Variants in LRG1 observed in about 807,000 individuals in gnomAD.
The protein encoded by LRG1 is leucine rich alpha-2-glycoprotein 1.
LRG1 carries 1 observed loss-of-function variant against 2.4 expected under a neutral mutation model. That is an observed-to-expected ratio of 0.41 (90% CI 0.15 to 1.95). The LOEUF is 1.95. Ranked by LOEUF, LRG1 falls within the 30% of genes most tolerant of loss-of-function variation. The pLI, the probability that LRG1 is intolerant of heterozygous loss-of-function variation, is 0.30. For missense variants in LRG1, 425 were observed against 436.9 expected, an observed-to-expected ratio of 0.97 and a Z score of 0.24; for synonymous variants, 226 against 210.6, an observed-to-expected ratio of 1.07 and a Z score of -0.63.
rs992160980 is a variant in LRG1, at chr19:4,537,999, A to G, written c.985T>C (p.Cys329Arg). Reference sequence around the variant, plus strand: ...CCCTTCACGGCTTCAGGCCCAGCACAGCGCGTGTCATTCTGGGAAAACATC... The same window carrying G: ...CCCTTCACGGCTTCAGGCCCAGCACGGCGCGTGTCATTCTGGGAAAACATC... ...DKMFSQNDTRCAGPEAVKGQT... is the reference protein window; with the variant it reads ...DKMFSQNDTRRAGPEAVKGQT... The change falls in exon 2 of 2, where the codon TGT becomes CGT. Residue 329 changes from cysteine (C) to arginine (R), a missense_variant. By Grantham distance (180) the Cys-to-Arg change is radical. Transcript: ENST00000306390. 1.9e-6 allele frequency: 3 copies of G among 1,613,794 alleles called. No individual in the cohort carries two copies. Among genetic ancestry groups the G allele is most frequent in the African/African-American group, 2.7e-5 (2 of 74,962 alleles).
At position 4,538,121 on chromosome 19, in the gene LRG1, C is replaced by T; in HGVS notation, c.863G>A (p.Trp288Ter). The change falls in exon 2 of 2, where the codon TGG (tryptophan) becomes TAG (stop). Residue 288 changes from tryptophan to a stop codon, truncating the protein, a stop_gained. Coordinates refer to ENST00000306390, the MANE Select transcript of LRG1 (RefSeq NM_052972.3). LOFTEE classifies it low-confidence loss of function (END_TRUNC). ...GLWASLGQPN[W>*]DMRDGFDISG... is the part of the protein sequence containing the mutation. ...GATGTCGAAGCCATCCCGCATGTCC[C>T]AGTTTGGCTGCCCTAGGGATGCCCA... 6.2e-7 allele frequency: 1 copy of T among 1,614,164 alleles called. No homozygotes were observed. Among genetic ancestry groups the T allele is most frequent in the Non-Finnish European group, 8.5e-7 (1 of 1,180,032 alleles).
Position 4,538,885 on chromosome 19 carries a change from G to T in LRG1, c.99C>A (p.Ala33=), listed in dbSNP as rs1480719446. 2.0e-6 allele frequency: 3 copies of T among 1,525,286 alleles called. No individual in the cohort carries two copies. Among genetic ancestry groups the T allele is most frequent in the Middle Eastern group, 1.8e-4 (1 of 5,620 alleles). The allele number at this position is 1,525,286 out of a possible 1,614,324, so 94.5% of individuals were successfully genotyped here. A position where few individuals can be genotyped will look rare whatever the true frequency, so the allele number is the denominator to read the frequency against. ...CTTTGGGGCTCAGGGTGACCCCCCA[G>T]GCTGAGGCTGCCAACAGCAGCAGCA... The part of the protein sequence containing the change: ...LFLLLLLAAS[A]WGVTLSPKDC... Residue 33 remains alanine (A), a synonymous_variant, in exon 2 of 2, where the codon GCC becomes GCA. Coordinates refer to ENST00000306390, the MANE Select transcript of LRG1 (RefSeq NM_052972.3).
Position 4,537,877 on chromosome 19 carries a change from T to C in LRG1, c.*63A>G. On this transcript the variant is annotated 3_prime_UTR_variant, in exon 2 of 2. Transcript: ENST00000306390. ...CCCCCGCACCCGGCCAAAGGCAGGA[T>C]TATTTGTTAAGCGGGTTGCAGTGTT... 6.5e-7 allele frequency: 1 copy of C among 1,529,958 alleles called. No individual in the cohort carries two copies. The highest frequency in any genetic ancestry group is 1.4e-5 in the African/African-American group (1 of 72,602). 94.8% of individuals were successfully genotyped at this position (1,529,958 alleles called of 1,614,324 possible). A position where few individuals can be genotyped will look rare whatever the true frequency, so the allele number is the denominator to read the frequency against.
At position 4,538,915 on chromosome 19, in the gene LRG1, C is replaced by A; in HGVS notation, c.69G>T (p.Leu23=). ...AGGCTGCCAACAGCAGCAGCAGGAA[C>A]AGAGTTCTAGAAACATGGGGTTGAA... The part of the protein sequence containing the change: ...GGIQPHVSRT[L]FLLLLLAASA... Residue 23 remains leucine (L), a synonymous_variant, in exon 2 of 2, where the codon CTG becomes CTT. Coordinates refer to ENST00000306390, the MANE Select transcript of LRG1 (RefSeq NM_052972.3). 1 of 1,515,332 alleles carries A rather than the reference C, an allele frequency of 6.6e-7. No individual in the cohort carries two copies. The highest frequency in any genetic ancestry group is 1.3e-5 in the South Asian group (1 of 75,428). The allele number at this position is 1,515,332 out of a possible 1,614,324, so 93.9% of individuals were successfully genotyped here.
Position 4,538,515 on chromosome 19 carries a change from C to T in LRG1, c.469G>A (p.Val157Ile), listed in dbSNP as rs1568248773. The change falls in exon 2 of 2, where the codon GTC becomes ATC. Residue 157 changes from valine (V) to isoleucine (I), a missense_variant. Transcript: ENST00000306390. ...LKENQLEVLE[V>I]SWLHGLKALG... ...GCTTTCAGGCCGTGTAGCCACGAGACCTCCAGGACCTCCAGCTGGTTTTCT... is the reference window on the plus strand; with the variant it reads ...GCTTTCAGGCCGTGTAGCCACGAGATCTCCAGGACCTCCAGCTGGTTTTCT... 3 of 1,613,930 alleles carry T rather than the reference C, an allele frequency of 1.9e-6. No individual in the cohort carries two copies. The highest frequency in any genetic ancestry group is 1.3e-5 in the African/African-American group (1 of 75,042).
rs565258746 is a variant in LRG1 at position 4,537,890 on chromosome 19, G to C, written c.*50C>G. The C allele has an allele frequency of 1.9e-6, 3 of 1,552,320 alleles. No individual in the cohort carries two copies. Among genetic ancestry groups the C allele is most frequent in the Non-Finnish European group, 1.7e-6 (2 of 1,147,928 alleles). ...CCAAAGGCAGGATTATTTGTTAAGC[G>C]GGTTGCAGTGTTCTACCAGACCCCC... On this transcript the variant is annotated 3_prime_UTR_variant, in exon 2 of 2. Transcript: ENST00000306390.
Position 4,537,922 on chromosome 19 carries a change from C to G in LRG1, c.*18G>C, listed in dbSNP as rs768882448. On this transcript the variant is annotated 3_prime_UTR_variant, in exon 2 of 2. Transcript: ENST00000306390. The stretch of plus-strand genomic sequence containing the variant: ...AGTGTTCTACCAGACCCCCCACCCT[C>G]AACCCAAGCCCCTGGTCTCACTGGG... 1.9e-6 allele frequency: 3 copies of G among 1,593,120 alleles called. No homozygotes were observed. The Admixed American group carries it at 5.2e-5, about 27-fold the overall frequency.
At position 4,538,803 on chromosome 19, in the gene LRG1, C is replaced by A. The variant is rs777528130; in HGVS notation, c.181G>T (p.Glu61Ter). 1 of 1,603,360 alleles carries A rather than the reference C, an allele frequency of 6.2e-7. No homozygotes were observed. Among genetic ancestry groups the A allele is most frequent in the Non-Finnish European group, 8.5e-7 (1 of 1,172,064 alleles). Residue 61 changes from glutamate to a stop codon, truncating the protein, a stop_gained, in exon 2 of 2, where the codon GAA becomes TAA. Transcript: ENST00000306390. LOFTEE classifies it low-confidence loss of function (END_TRUNC). ...TCGGCTGGCAGGTAGCCGGGGATTT[C>A]GGCAGGTGGTTGACAGGAGATGGAG... is the stretch of plus-strand genomic sequence containing the variant. Reference protein sequence around the residue: ...GSSISCQPPAEIPGYLPADTV... With the variant: ...GSSISCQPPA
In LRG1 at chr19:4,537,944, T is replaced by A. The variant is rs1258755173; in HGVS notation, c.1040A>T (p.Gln347Leu). Residue 347 changes from glutamine to leucine, a missense_variant, in exon 2 of 2, where the codon CAG becomes CTG. Gln to Leu is a moderately radical substitution (Grantham distance 113, BLOSUM62 -2). Transcript: ENST00000306390. ...GQTLLAVAKSQ is the reference protein window; with the variant it reads ...GQTLLAVAKSL ...CCTCAACCCAAGCCCCTGGTCTCACTGGGACTTGGCCACTGCCAGGAGCGT... is the reference window on the plus strand; with the variant it reads ...CCTCAACCCAAGCCCCTGGTCTCACAGGGACTTGGCCACTGCCAGGAGCGT... The A allele has an allele frequency of 6.2e-7, 1 of 1,608,558 alleles. No homozygotes were observed. Among genetic ancestry groups the A allele is most frequent in the Non-Finnish European group, 8.5e-7 (1 of 1,176,436 alleles).
chr19:4,538,908 G>C lies in LRG1; in HGVS notation c.76C>G (p.Leu26Val). The change falls in exon 2 of 2, where the codon CTG becomes GTG. Residue 26 changes from leucine (L) to valine (V), a missense_variant. By Grantham distance (32) the Leu-to-Val change is conservative. Transcript: ENST00000306390. The stretch of plus-strand genomic sequence containing the variant: ...CAGGCTGAGGCTGCCAACAGCAGCA[G>C]CAGGAACAGAGTTCTAGAAACATGG... ...QPHVSRTLFL[L>V]LLLAASAWGV... is the part of the protein sequence containing the mutation. 1 of 1,517,482 alleles carries C rather than the reference G, an allele frequency of 6.6e-7. No homozygotes were observed. Among genetic ancestry groups the C allele is most frequent in the Non-Finnish European group, 8.8e-7 (1 of 1,131,710 alleles). The allele number at this position is 1,517,482 out of a possible 1,614,324, so 94.0% of individuals were successfully genotyped here.
rs142551012 is a variant in LRG1 at position 4,538,500 on chromosome 19, C to G, written c.484G>C (p.Gly162Arg). 71 of 1,613,856 alleles carry G rather than the reference C, an allele frequency of 4.4e-5. No individual in the cohort carries two copies. The highest frequency in any genetic ancestry group is 5.2e-5 in the Non-Finnish European group (61 of 1,180,040). Residue 162 changes from glycine to arginine, a missense_variant, in exon 2 of 2, where the codon GGC becomes CGC. Physicochemically the swap from Gly to Arg is moderately radical, Grantham distance 125. Coordinates refer to ENST00000306390, the MANE Select transcript of LRG1 (RefSeq NM_052972.3). ...TCCAGATGCCCCAGAGCTTTCAGGC[C>G]GTGTAGCCACGAGACCTCCAGGACC... Reference protein sequence around the residue: ...LEVLEVSWLHGLKALGHLDLS... With the variant: ...LEVLEVSWLHRLKALGHLDLS...
rs755403043 is a variant in LRG1, at chr19:4,537,992, C to T, written c.992G>A (p.Gly331Glu). Reference sequence around the variant, plus strand: ...CGTCTGGCCCTTCACGGCTTCAGGCCCAGCACAGCGCGTGTCATTCTGGGA... The same window carrying T: ...CGTCTGGCCCTTCACGGCTTCAGGCTCAGCACAGCGCGTGTCATTCTGGGA... ...MFSQNDTRCA[G>E]PEAVKGQTLL... Residue 331 changes from glycine (G) to glutamate (E), a missense_variant, in exon 2 of 2, where the codon GGG becomes GAG. Gly to Glu is a moderately conservative substitution (Grantham distance 98, BLOSUM62 -2). Coordinates refer to ENST00000306390, the MANE Select transcript of LRG1 (RefSeq NM_052972.3). 11 of 1,613,712 alleles carry T rather than the reference C, an allele frequency of 6.8e-6. No individual in the cohort carries two copies. The South Asian group carries it at 7.7e-5, about 11-fold the overall frequency.
chr19:4,538,247 T>C lies in LRG1; in HGVS notation c.737A>G (p.Asn246Ser), dbSNP rs778743033. 2 of 1,614,134 alleles carry C rather than the reference T, an allele frequency of 1.2e-6. No homozygotes were observed. The highest frequency in any genetic ancestry group is 1.7e-6 in the Non-Finnish European group (2 of 1,180,032). ...ACCGGCTGCCACCCTGGCCAGCTTG[T>C]TGCCGTTCAGGAAGAGGTAGCGCAG... is the stretch of plus-strand genomic sequence containing the variant. ...PDLRYLFLNG[N>S]KLARVAAGAF... The change falls in exon 2 of 2, where the codon AAC becomes AGC. Residue 246 changes from asparagine to serine, a missense_variant. Coordinates refer to ENST00000306390, the MANE Select transcript of LRG1 (RefSeq NM_052972.3).
In LRG1 at chr19:4,538,396, C is replaced by T. The variant is rs1352969825; in HGVS notation, c.588G>A (p.Gly196=). Residue 196 remains glycine (G), a synonymous_variant, in exon 2 of 2, where the codon GGG becomes GGA. Transcript: ENST00000306390. ...NFTLLRTLDL[G]ENQLETLPPD... is the part of the protein sequence containing the mutation. ...GTGGCAAGGTCTCCAACTGGTTCTC[C>T]CCAAGGTCAAGGGTGCGCAGGAGGG... 5 of 1,614,172 alleles carry T rather than the reference C, an allele frequency of 3.1e-6. No homozygotes were observed. The South Asian group carries it at 3.3e-5, about 11-fold the overall frequency.
chr19:4,539,868 AGCCACCAG>A, intron 1 of LRG1, 106 bp downstream of exon 1: 17 of 1,238,978 alleles, frequency 1.4e-5, no homozygotes, highest in Non-Finnish European at 1.8e-5. Context: ...GATCTGTGCC[AGCCACCAG>A]GCCTGTATCT....
Position 4,538,721 on chromosome 19 carries a change from A to AGG in LRG1, c.261_262dup (p.Leu88ProfsTer32), listed in dbSNP as rs1976978655. On this transcript the variant is annotated frameshift_variant, in exon 2 of 2. Coordinates refer to ENST00000306390, the MANE Select transcript of LRG1 (RefSeq NM_052972.3). LOFTEE classifies it low-confidence loss of function (END_TRUNC). ...TTCTTGGAGCTTAGAGGCGCCCTGG[A>AGG]GGAGGTTGGCTGGCAGGTGGGTCAG... is the stretch of plus-strand genomic sequence containing the variant. The AGG allele has an allele frequency of 6.2e-7, 1 of 1,604,326 alleles. No individual in the cohort carries two copies. Among genetic ancestry groups the AGG allele is most frequent in the Non-Finnish European group, 8.5e-7 (1 of 1,171,870 alleles).
intron 1 of LRG1, 81 bp downstream of exon 1, chr19:4,539,901 C>T (rs1976992364): frequency 3.2e-6 from 5 of 1,561,132 alleles, no homozygotes; most frequent in Non-Finnish European, 4.4e-6. Context: ...CCTGTGACTT[C>T]TATGGGTTAG....
chr19:4,539,255 C>T (rs1341112371), intron 1 of LRG1: 1 of 238,238 alleles, frequency 4.2e-6, no homozygotes, highest in Admixed American at 5.2e-5. Context: ...CAGCCTAGCC[C>T]CCATGAGCTG....
In LRG1 at chr19:4,538,356, C is replaced by T. The variant is rs759720026; in HGVS notation, c.628G>A (p.Gly210Ser). The change falls in exon 2 of 2, where the codon GGT becomes AGT. Residue 210 changes from glycine (G) to serine (S), a missense_variant. Gly to Ser is a moderately conservative substitution (Grantham distance 56). Coordinates refer to ENST00000306390, the MANE Select transcript of LRG1 (RefSeq NM_052972.3). The stretch of plus-strand genomic sequence containing the variant: ...TGTAGCCGTTCTAATTGCAGCGGAC[C>T]CCTCAGGAGGTCAGGTGGCAAGGTC... ...LETLPPDLLR[G>S]PLQLERLHLE... is the part of the protein sequence containing the mutation. 6.2e-7 allele frequency: 1 copy of T among 1,614,190 alleles called. No individual in the cohort carries two copies.
Sources: allele counts gnomAD v4.1 joint callset, GRCh38; gene constraint gnomAD v4.1.1; transcripts MANE v1.5; gene names NCBI Gene and HGNC (gene_info 2026-07-23, HGNC 2026-07-21).